IL1RAPL1: variants seen among roughly 807,000 people sequenced by gnomAD.
The protein encoded by IL1RAPL1 is interleukin-1 receptor accessory protein-like 1.
In IL1RAPL1, 3 loss-of-function variants were observed where a neutral mutation model predicts 48.4. The observed-to-expected ratio is 0.06, with a 90% CI of 0.03 to 0.16. The LOEUF is 0.16. IL1RAPL1 is among the 10% of genes least tolerant of loss of function. The pLI is 1.00. For synonymous variants in IL1RAPL1, 185 were observed against 187.7 expected, an observed-to-expected ratio of 0.99 and a Z score of 0.12; for missense variants, 349 against 530.6, an observed-to-expected ratio of 0.66 and a Z score of 3.36.
chrX:29,191,181 TG>T (rs1158731917), intron 2 of IL1RAPL1, among the ~76,000 whole-genome samples: 1 of 111,979 alleles, frequency 8.9e-6, no homozygotes, highest in African/African-American at 3.2e-5. Flanking sequence ...GTGGCTTTCT[TG>T]CCTATTTATA....
intron 6 of IL1RAPL1, among the ~76,000 whole-genome samples, chrX:29,745,654 C>A (rs1928320212): frequency 1.9e-5 from 2 of 108,004 alleles, no homozygotes; most frequent in Non-Finnish European, 3.8e-5. Flanking sequence ...ACCATGTTAG[C>A]CAGGCTGGTC....
At chrX:28,869,199 G>A (rs1922148465) in intron 2 of IL1RAPL1, among the ~76,000 whole-genome samples, 2 of 112,258 alleles carry the variant, frequency 1.8e-5, no homozygotes, top group Admixed American at 9.5e-5. Context: ...TTTTGTGTGT[G>A]TGTTTCCTCT....
intron 2 of IL1RAPL1, among the ~76,000 whole-genome samples, chrX:28,914,549 A>G (rs1923439535): frequency 8.9e-6 from 1 of 112,012 alleles, no homozygotes; most frequent in Non-Finnish European, 1.9e-5. Flanking sequence ...GAATGTCACC[A>G]TCTTATTTCA....
chrX:29,182,513 C>G (rs1290750298), intron 2 of IL1RAPL1, among the ~76,000 whole-genome samples: 1 of 109,759 alleles, frequency 9.1e-6, no homozygotes, highest in Non-Finnish European at 1.9e-5. Flanking sequence ...TTACATTAAA[C>G]TTTGAAAAAA....
intron 5 of IL1RAPL1, among the ~76,000 whole-genome samples, chrX:29,630,686 C>G (rs1190377946): frequency 9.1e-6 from 1 of 110,262 alleles, no homozygotes; most frequent in African/African-American, 3.3e-5. Context: ...CTACAGGCGC[C>G]CACCACCATG....
intron 2 of IL1RAPL1, among the ~76,000 whole-genome samples, chrX:29,272,562 C>T (rs1034589721): frequency 9.0e-6 from 1 of 111,132 alleles, no homozygotes; most frequent in African/African-American, 3.3e-5. Context: ...TGACCTGCCC[C>T]TTCTCTCTAG....
chrX:28,841,313 A>G (rs1325359838), intron 2 of IL1RAPL1, among the ~76,000 whole-genome samples: 1 of 111,052 alleles, frequency 9.0e-6, no homozygotes, highest in Non-Finnish European at 1.9e-5. Context: ...TTTACATAAG[A>G]AAAATTCAAC....
chrX:29,802,769 ATATATATATATATGTG>A (rs1308760627), intron 6 of IL1RAPL1, among the ~76,000 whole-genome samples: 1 of 27,637 alleles, frequency 3.6e-5, no homozygotes, highest in Non-Finnish European at 5.8e-5. Context: ...ATATATATAT[ATATATATATATATGTG>A]TGTGTGTATA....
At chrX:29,617,099 A>G (rs1924312358) in intron 5 of IL1RAPL1, among the ~76,000 whole-genome samples, 1 of 111,260 alleles carries the variant, frequency 9.0e-6, no homozygotes, top group Non-Finnish European at 1.9e-5. Context: ...GCGCTGACTC[A>G]CTGTCTGATT....
chrX:29,443,062 C>T (rs1010044880), intron 5 of IL1RAPL1, among the ~76,000 whole-genome samples: 11 of 110,910 alleles, frequency 9.9e-5, no homozygotes, highest in African/African-American at 2.9e-4. Flanking sequence ...CACCATTATA[C>T]GATGAAACCT....
intron 5 of IL1RAPL1, among the ~76,000 whole-genome samples, chrX:29,466,153 A>G: frequency 8.9e-6 from 1 of 112,427 alleles, no homozygotes; most frequent in East Asian, 2.8e-4. Flanking sequence ...CTTGTATTTT[A>G]TCTGGCAACT....
Position 28,780,363 on chromosome X carries a change from G to GTGTGTGTGTGTCTGTC in IL1RAPL1, c.-24-8954_-24-8953insGTGTGTGTCTGTCTGT, listed in dbSNP as rs56989010. ...TGTGTGTGTGTGTGTGTGTGTGTGTGTGTCTGTCTGTCTGTCCAGAATCTA... is the reference window on the plus strand; with the variant it reads ...TGTGTGTGTGTGTGTGTGTGTGTGTGTGTGTGTGTGTCTGTCTGTCTGTCTGTCTGTCCAGAATCTA... On this transcript the variant is annotated intron_variant, in intron 1 of 10. Transcript: ENST00000378993. Among the ~76,000 whole-genome samples, 355 of 91,460 alleles carry GTGTGTGTGTGTCTGTC rather than the reference G, an allele frequency of 3.9e-3. 13 individuals carry two copies. In the East Asian group the frequency reaches 0.1, roughly 26 times the overall value. 79.4% of individuals were successfully genotyped at this position (91,460 alleles called of 115,157 possible).
intron 5 of IL1RAPL1, among the ~76,000 whole-genome samples, chrX:29,587,911 T>A (rs1923236413): frequency 8.9e-6 from 1 of 112,352 alleles, no homozygotes; most frequent in South Asian, 3.7e-4. Context: ...AGCTTTTCTC[T>A]ATTCAAACTA....
intron 2 of IL1RAPL1, among the ~76,000 whole-genome samples, chrX:28,927,615 T>C (rs903284252): frequency 9.7e-6 from 1 of 103,459 alleles, no homozygotes. Flanking sequence ...CTTTCCTTCC[T>C]TTTTTTTTTT....
chrX:28,666,034 C>T (rs983373134), intron 1 of IL1RAPL1, among the ~76,000 whole-genome samples: 1 of 111,747 alleles, frequency 8.9e-6, no homozygotes, highest in Non-Finnish European at 1.9e-5. Context: ...TCACTCAGAC[C>T]GACACTCTCC....
intron 1 of IL1RAPL1, among the ~76,000 whole-genome samples, chrX:28,789,011 C>T (rs1025124271): frequency 9.9e-5 from 11 of 111,093 alleles, no homozygotes; most frequent in East Asian, 2.8e-4. Flanking sequence ...ATTCTTTTGA[C>T]GGGATTGTTT....
chrX:29,766,697 T>TATATAA (rs1555918216), intron 6 of IL1RAPL1, among the ~76,000 whole-genome samples: 23 of 87,997 alleles, frequency 2.6e-4, no homozygotes, highest in African/African-American at 1.0e-3. Context: ...TATATATTAA[T>TATATAA]ATATAATATA....
intron 3 of IL1RAPL1, among the ~76,000 whole-genome samples, chrX:29,363,637 G>C: frequency 9.0e-6 from 1 of 111,575 alleles, no homozygotes; most frequent in Non-Finnish European, 1.9e-5. Context: ...GGCTGGACAG[G>C]AAGCATAGTA....
intron 9 of IL1RAPL1, among the ~76,000 whole-genome samples, chrX:29,945,395 T>C (rs1201571935): frequency 1.8e-5 from 2 of 112,407 alleles, no homozygotes; most frequent in Non-Finnish European, 3.8e-5. Flanking sequence ...TAATTTAGAG[T>C]CAAACCTGAG....
Sources: allele counts gnomAD v4.1 joint callset (sites outside exome capture counted in the v4.1 genomes callset), GRCh38; gene constraint gnomAD v4.1.1; transcripts MANE v1.5; gene names NCBI Gene and HGNC (gene_info 2026-07-23, HGNC 2026-07-21).